The following KCNT2 variants were observed in gnomAD, a reference collection of about 807,000 sequenced individuals.
KCNT2 encodes potassium sodium-activated channel subfamily T member 2.
A neutral mutation model predicts 153.8 loss-of-function variants in KCNT2; 67 were observed. The observed-to-expected ratio is 0.44, with a 90% CI of 0.36 to 0.53. KCNT2 has a LOEUF of 0.53. Among genes scored for constraint, KCNT2 ranks in the 20% least tolerant of loss-of-function variants. The pLI is 0.00. For synonymous variants in KCNT2, 500 were observed against 458.8 expected (o/e 1.09, Z -1.15); for missense variants, 975 against 1,354.8 (o/e 0.72, Z 4.40).
At chr1:196,353,265 T>C (rs1368022556) in intron 14 of KCNT2, among the ~76,000 whole-genome samples, 2 of 152,006 alleles carry the variant, frequency 1.3e-5, no homozygotes. Context: ...GCAGACATCC[T>C]ATTTTCCATG....
chr1:196,424,023 G>T (rs539403353), intron 11 of KCNT2, among the ~76,000 whole-genome samples: 1 of 151,916 alleles, frequency 6.6e-6, no homozygotes, highest in South Asian at 2.1e-4. Flanking sequence ...GATTGGAAAT[G>T]AACATAAAAA....
chr1:196,548,709 T>C (rs557872035), intron 1 of KCNT2, among the ~76,000 whole-genome samples: 172 of 152,214 alleles, frequency 1.1e-3, no homozygotes, highest in African/African-American at 4.0e-3. Flanking sequence ...TGCACACGTA[T>C]GTTTATTGCA....
At position 196,468,977 on chromosome 1, in the gene KCNT2, G is replaced by C; in HGVS notation, c.459+17C>G. 1 of 1,516,656 alleles carries C rather than the reference G, an allele frequency of 6.6e-7. No homozygotes were observed. Among genetic ancestry groups the C allele is most frequent in the East Asian group, 2.3e-5 (1 of 44,130 alleles). The allele number at this position is 1,516,656 out of a possible 1,614,324, so 93.9% of individuals were successfully genotyped here. Reference sequence around the variant, plus strand: ...CTAATTACAAAAGTGTTTTTTTAAGGTTCTTTTAGGACTTACTGAGATAAT... The same window carrying C: ...CTAATTACAAAAGTGTTTTTTTAAGCTTCTTTTAGGACTTACTGAGATAAT... On this transcript the variant is annotated intron_variant, in intron 6 of 27. Coordinates refer to ENST00000294725, the MANE Select transcript of KCNT2 (RefSeq NM_198503.5).
intron 14 of KCNT2, among the ~76,000 whole-genome samples, chr1:196,363,647 T>A (rs1409466382): frequency 6.6e-6 from 1 of 152,100 alleles, no homozygotes; most frequent in Non-Finnish European, 1.5e-5. Flanking sequence ...CCTCATTAGC[T>A]CCCTTTACAC....
chr1:196,361,943 A>G (rs1307139543), intron 14 of KCNT2, among the ~76,000 whole-genome samples: 1 of 151,536 alleles, frequency 6.6e-6, no homozygotes. Flanking sequence ...TTCACTCTAA[A>G]GGGAAATCAA....
Position 196,469,037 on chromosome 1 carries a change from G to A in KCNT2, c.416C>T (p.Pro139Leu), listed in dbSNP as rs748603471. 1.9e-6 allele frequency: 3 copies of A among 1,600,728 alleles called. No homozygotes were observed. The highest frequency in any genetic ancestry group is 1.7e-5 in the Admixed American group (1 of 59,286). Residue 139 changes from proline (P) to leucine (L), a missense_variant, in exon 6 of 28, where the codon CCC becomes CTC. Transcript: ENST00000294725. ...GNIWEQILRIPFILEIINAVP... is the reference protein window; with the variant it reads ...GNIWEQILRILFILEIINAVP... ...TGCATTAATTATTTCCAAGATGAAG[G>A]GTATTCGTAAAATCTGTTCCCAGAT...
chr1:196,510,381 A>G (rs1407264943), intron 1 of KCNT2, among the ~76,000 whole-genome samples: 1 of 152,138 alleles, frequency 6.6e-6, no homozygotes, highest in East Asian at 1.9e-4. Flanking sequence ...ATCATAAACA[A>G]TGAAACTGCT....
At chr1:196,330,628 T>G (rs936728945) in intron 18 of KCNT2, among the ~76,000 whole-genome samples, 4 of 151,968 alleles carry the variant, frequency 2.6e-5, no homozygotes, top group Admixed American at 6.6e-5. Context: ...CTAGCATTCT[T>G]AGAATTTTTA....
intron 1 of KCNT2, among the ~76,000 whole-genome samples, chr1:196,584,634 A>G (rs1387769014): frequency 3.9e-5 from 6 of 152,250 alleles, no homozygotes; most frequent in Non-Finnish European, 7.4e-5. Context: ...TCAGAAAAGT[A>G]TATTGTCAAA....
At chr1:196,336,970 T>C (rs1665098703) in intron 16 of KCNT2, among the ~76,000 whole-genome samples, 1 of 151,992 alleles carries the variant, frequency 6.6e-6, no homozygotes, top group African/African-American at 2.4e-5. Flanking sequence ...TTTTATTTTT[T>C]CCTGCCTGTA....
At chr1:196,268,198 C>T (rs1205977865) in intron 25 of KCNT2, among the ~76,000 whole-genome samples, 2 of 152,142 alleles carry the variant, frequency 1.3e-5, no homozygotes, top group African/African-American at 2.4e-5. Flanking sequence ...ACGGCAGAAA[C>T]AATTCCTAAT....
At chr1:196,558,869 T>G (rs1659028877) in intron 1 of KCNT2, among the ~76,000 whole-genome samples, 1 of 151,628 alleles carries the variant, frequency 6.6e-6, no homozygotes, top group Admixed American at 6.6e-5. Context: ...TATAAATCTT[T>G]AATTACATCA....
At chr1:196,373,648 G>A (rs1413355290) in intron 13 of KCNT2, among the ~76,000 whole-genome samples, 1 of 151,758 alleles carries the variant, frequency 6.6e-6, no homozygotes, top group Non-Finnish European at 1.5e-5. Flanking sequence ...AAATACAACA[G>A]TACTGATTTA....
intron 13 of KCNT2, among the ~76,000 whole-genome samples, chr1:196,387,995 C>T (rs1251465547): frequency 6.7e-6 from 1 of 149,516 alleles, no homozygotes; most frequent in African/African-American, 2.5e-5. Context: ...ATTTGCTACT[C>T]AAGTCTGTGA....
At chr1:196,441,417 A>G (rs1410513815) in intron 8 of KCNT2, among the ~76,000 whole-genome samples, 1 of 80,664 alleles carries the variant, frequency 1.2e-5, no homozygotes, top group Non-Finnish European at 2.3e-5. Flanking sequence ...TATATATTTT[A>G]AAATCTACTT....
At chr1:196,560,012 C>T (rs2148919493) in intron 1 of KCNT2, among the ~76,000 whole-genome samples, 1 of 151,906 alleles carries the variant, frequency 6.6e-6, no homozygotes, top group African/African-American at 2.4e-5. Flanking sequence ...GATAAATATT[C>T]TAAATATTCG....
At position 196,373,197 on chromosome 1, in the gene KCNT2, C is replaced by G. The variant is rs1230209769; in HGVS notation, c.1346G>C (p.Cys449Ser). 6.3e-7 allele frequency: 1 copy of G among 1,590,420 alleles called. No individual in the cohort carries two copies. The highest frequency in any genetic ancestry group is 1.3e-5 in the African/African-American group (1 of 74,240). ...AAGTGTAGATGTTGCTGGGCATATA[C>G]AGTTTAAAGCTAACATGGCGTATTT... is the stretch of plus-strand genomic sequence containing the variant. ...EFKYAMLALN[C>S]ICPATSTLIT... The change falls in exon 14 of 28, where the codon TGT (cysteine) becomes TCT (serine). Residue 449 changes from cysteine (C) to serine (S), a missense_variant. Around this residue, in one of 6 missense-constraint regions of KCNT2, gnomAD observed 202 missense variants for 314.9 expected, o/e 0.64. Coordinates refer to ENST00000294725, the MANE Select transcript of KCNT2 (RefSeq NM_198503.5).
chr1:196,386,447 A>C (rs1669995450), intron 13 of KCNT2, among the ~76,000 whole-genome samples: 1 of 152,164 alleles, frequency 6.6e-6, no homozygotes, highest in Non-Finnish European at 1.5e-5. Flanking sequence ...TTAGAACAGT[A>C]GCCCTTGCAC....
chr1:196,233,707 TA>T (rs1654158631), intron 27 of KCNT2, among the ~76,000 whole-genome samples: 1 of 151,420 alleles, frequency 6.6e-6, no homozygotes, highest in African/African-American at 2.4e-5. Flanking sequence ...CATTCATCCA[TA>T]AAAAAGATGA....
Sources: allele counts gnomAD v4.1 joint callset (sites outside exome capture counted in the v4.1 genomes callset), GRCh38; gene constraint gnomAD v4.1.1; regional missense constraint gnomAD v4.1.1; transcripts MANE v1.5; gene names NCBI Gene and HGNC (gene_info 2026-07-23, HGNC 2026-07-21).